Variants in IQCM observed in about 807,000 individuals in gnomAD.
The protein encoded by IQCM is IQ domain-containing protein M.
In IQCM, 45 loss-of-function variants were observed where a neutral mutation model predicts 57.6. That is an observed-to-expected ratio of 0.78 (90% confidence interval 0.62 to 1.00). The LOEUF (loss-of-function observed/expected upper bound fraction) is 1.00. IQCM is among the 50% of genes least tolerant of loss of function. The pLI is 0.00. For synonymous variants in IQCM, 148 were observed against 158.9 expected (o/e 0.93, Z 0.51); for missense variants, 468 against 511.6 (o/e 0.91, Z 0.82).
At chr4:149,358,807 A>T (rs1406413152) in intron 13 of IQCM, among the ~76,000 whole-genome samples, 1 of 83,584 alleles carries the variant, frequency 1.2e-5, no homozygotes, top group Admixed American at 1.1e-4. Flanking sequence ...CATAGGATCC[A>T]CCCAAAAGAG....
intron 7 of IQCM, among the ~76,000 whole-genome samples, chr4:149,662,936 G>A (rs1760355416): frequency 6.6e-6 from 1 of 151,830 alleles, no homozygotes; most frequent in Non-Finnish European, 1.5e-5. Flanking sequence ...ACTTACTCCT[G>A]CAACTTTGTT....
At chr4:149,806,265 T>C (rs1774070927) in intron 2 of IQCM, among the ~76,000 whole-genome samples, 1 of 151,912 alleles carries the variant, frequency 6.6e-6, no homozygotes, top group Middle Eastern at 3.2e-3. Flanking sequence ...TTTAATTTAG[T>C]TTAGTTATTT....
intron 5 of IQCM, among the ~76,000 whole-genome samples, chr4:149,703,627 G>A (rs1763933147): frequency 6.6e-6 from 1 of 151,840 alleles, no homozygotes; most frequent in Non-Finnish European, 1.5e-5. Context: ...ACACTGCAGG[G>A]TTAACAAAAG....
intron 12 of IQCM, among the ~76,000 whole-genome samples, chr4:149,497,805 T>C (rs534511324): frequency 1.3e-5 from 2 of 151,992 alleles, no homozygotes; most frequent in Non-Finnish European, 2.9e-5. Flanking sequence ...CTATATATAT[T>C]TCTATCAATT....
intron 13 of IQCM, among the ~76,000 whole-genome samples, chr4:149,391,047 TA>T (rs1299191951): frequency 1.3e-5 from 2 of 151,874 alleles, no homozygotes; most frequent in African/African-American, 2.4e-5. Flanking sequence ...ATAAATTGAG[TA>T]AAAATTAGTT....
chr4:149,621,606 A>G (rs1262524098), intron 7 of IQCM, among the ~76,000 whole-genome samples: 1 of 152,218 alleles, frequency 6.6e-6, no homozygotes, highest in African/African-American at 2.4e-5. Flanking sequence ...TTATAAAAAT[A>G]AAAGGAAAAC....
chr4:149,790,674 G>T (rs1416854636), intron 2 of IQCM, among the ~76,000 whole-genome samples: 1 of 152,114 alleles, frequency 6.6e-6, no homozygotes, highest in Non-Finnish European at 1.5e-5. Flanking sequence ...GATTTTAATT[G>T]TGCAATACAA....
chr4:149,456,707 A>G (rs570104815), intron 12 of IQCM, among the ~76,000 whole-genome samples: 3 of 152,066 alleles, frequency 2.0e-5, no homozygotes, highest in Admixed American at 6.6e-5. Context: ...CCCTCTCATG[A>G]GAGTCTTATA....
chr4:149,443,460 A>C (rs1383927002), intron 12 of IQCM, among the ~76,000 whole-genome samples: 1 of 152,030 alleles, frequency 6.6e-6, no homozygotes, highest in African/African-American at 2.4e-5. Context: ...ATGAAATAAG[A>C]AAAATACTTA....
chr4:149,525,938 T>C (rs1240580460), intron 12 of IQCM, among the ~76,000 whole-genome samples: 1 of 151,748 alleles, frequency 6.6e-6, no homozygotes, highest in African/African-American at 2.4e-5. Flanking sequence ...AAATTATAAA[T>C]AGGCAATCCA....
intron 7 of IQCM, among the ~76,000 whole-genome samples, chr4:149,665,512 G>A (rs1448945215): frequency 6.6e-6 from 1 of 152,044 alleles, no homozygotes; most frequent in East Asian, 1.9e-4. Flanking sequence ...CTGCTCCTCT[G>A]GTGCTATCCA....
chr4:149,710,597 G>A (rs1764486751), intron 5 of IQCM, among the ~76,000 whole-genome samples: 1 of 152,048 alleles, frequency 6.6e-6, no homozygotes, highest in Admixed American at 6.6e-5. Flanking sequence ...CCAGGTAGAC[G>A]TAGGAACCGT....
intron 7 of IQCM, among the ~76,000 whole-genome samples, chr4:149,678,326 A>G (rs1356587493): frequency 2.0e-5 from 3 of 151,954 alleles, no homozygotes; most frequent in Non-Finnish European, 4.4e-5. Flanking sequence ...TTAATCTGGC[A>G]ACAGACTTCT....
intron 8 of IQCM, among the ~76,000 whole-genome samples, chr4:149,595,780 G>A (rs967458798): frequency 1.3e-5 from 2 of 152,062 alleles, no homozygotes; most frequent in Non-Finnish European, 2.9e-5. Context: ...ACCACAGGAT[G>A]GTTTAAAAGC....
chr4:149,625,350 G>A (rs1248725410), intron 7 of IQCM, among the ~76,000 whole-genome samples: 1 of 152,126 alleles, frequency 6.6e-6, no homozygotes, highest in African/African-American at 2.4e-5. Context: ...ACAAAGATTT[G>A]TAGAGGAGAA....
chr4:149,655,668 G>A (rs559252611), intron 7 of IQCM, among the ~76,000 whole-genome samples: 36 of 152,108 alleles, frequency 2.4e-4, no homozygotes, highest in African/African-American at 7.9e-4. Flanking sequence ...TAACTATATT[G>A]ATAAACTTGT....
intron 12 of IQCM, among the ~76,000 whole-genome samples, chr4:149,499,733 A>G (rs990727978): frequency 3.3e-5 from 5 of 152,218 alleles, no homozygotes; most frequent in African/African-American, 1.2e-4. Context: ...GATACTAATT[A>G]AAGTGGTGGC....
At chr4:149,738,963 C>T (rs2149901346) in intron 3 of IQCM, among the ~76,000 whole-genome samples, 1 of 152,246 alleles carries the variant, frequency 6.6e-6, no homozygotes, top group East Asian at 1.9e-4. Context: ...CTAAAAATTA[C>T]AAGAAATCAA....
At chr4:149,374,479 A>C (rs934354206) in intron 13 of IQCM, among the ~76,000 whole-genome samples, 2 of 152,022 alleles carry the variant, frequency 1.3e-5, no homozygotes, top group African/African-American at 4.8e-5. Context: ...CCCCTTTCTC[A>C]GTAACTTCAC....
Sources: gnomAD v4.1 joint callset for allele counts (sites outside exome capture counted in the v4.1 genomes callset) on GRCh38, gnomAD v4.1.1 for gene constraint, MANE v1.5 for transcripts, NCBI Gene and HGNC (gene_info 2026-07-23, HGNC 2026-07-21) for gene names.